The following LSAMP variants were observed in gnomAD, a reference collection of about 807,000 sequenced individuals.
LSAMP encodes limbic system-associated membrane protein.
LSAMP carries 7 observed loss-of-function variants against 38.6 expected under a neutral mutation model. That is an observed-to-expected ratio of 0.18 (90% confidence interval 0.10 to 0.34). The LOEUF (loss-of-function observed/expected upper bound fraction) is 0.34. Among genes scored for constraint, LSAMP ranks in the 10% least tolerant of loss-of-function variants. The pLI is 1.00. For missense variants in LSAMP, 313 were observed against 420.0 expected, an observed-to-expected ratio of 0.75 and a Z score of 2.23; for synonymous variants, 154 against 166.8, an observed-to-expected ratio of 0.92 and a Z score of 0.59.
intron 1 of LSAMP, among the ~76,000 whole-genome samples, chr3:116,284,661 C>T (rs903691226): frequency 6.6e-6 from 1 of 152,152 alleles, no homozygotes; most frequent in Non-Finnish European, 1.5e-5. Flanking sequence ...ATAAACCCTG[C>T]ATTTAATTCC....
intron 3 of LSAMP, among the ~76,000 whole-genome samples, chr3:115,954,224 G>T (rs758914182): frequency 4.0e-5 from 6 of 151,866 alleles, no homozygotes; most frequent in Admixed American, 2.6e-4. Flanking sequence ...TTCATCTCTG[G>T]CATATGGGCT....
At chr3:115,826,804 C>A (rs1053222707) in intron 6 of LSAMP, among the ~76,000 whole-genome samples, 1 of 151,950 alleles carries the variant, frequency 6.6e-6, no homozygotes, top group Non-Finnish European at 1.5e-5. Flanking sequence ...GAAAAGAAAA[C>A]GTGACCTCTA....
chr3:116,428,669 C>T (rs1399481002), intron 1 of LSAMP, among the ~76,000 whole-genome samples: 2 of 152,110 alleles, frequency 1.3e-5, no homozygotes, highest in Non-Finnish European at 2.9e-5. Flanking sequence ...TCCCCAGGAA[C>T]CTATGGCTTG....
intron 1 of LSAMP, among the ~76,000 whole-genome samples, chr3:116,108,067 A>T (rs531756346): frequency 6.6e-6 from 1 of 152,080 alleles, no homozygotes; most frequent in East Asian, 1.9e-4. Context: ...GGATATTGGC[A>T]TTGAGCGGGG....
Position 116,095,347 on chromosome 3 carries a change from C to T in LSAMP, c.156-8791G>A, listed in dbSNP as rs370438232. Among the ~76,000 whole-genome samples the T allele has an allele frequency of 1.3e-4, 20 of 152,314 alleles. No individual in the cohort carries two copies. In the South Asian group the frequency reaches 1.9e-3, roughly 14 times the overall value. On this transcript the variant is annotated intron_variant, in intron 1 of 6. Coordinates refer to ENST00000490035, the MANE Select transcript of LSAMP (RefSeq NM_002338.5). ...CCATAGACATGCTTTTTGTCTCTTA[C>T]TATCACTAAAGAACACCTTGTCCAG...
chr3:116,324,346 C>T lies in LSAMP; in HGVS notation c.155+120531G>A, dbSNP rs189142381. On this transcript the variant is annotated intron_variant, in intron 1 of 6. Coordinates refer to ENST00000490035, the MANE Select transcript of LSAMP (RefSeq NM_002338.5). ...GAATGTAAAACACAATGTTATGATA[C>T]TATTTCTTACCTCCCTAAACATCTT... 2.9e-3 allele frequency among the ~76,000 whole-genome samples: 437 copies of T among 152,192 alleles called. 1 individual carries two copies. Among genetic ancestry groups the T allele is most frequent in the Non-Finnish European group, 5.1e-3 (347 of 68,010 alleles).
intron 1 of LSAMP, among the ~76,000 whole-genome samples, chr3:116,295,255 G>A (rs1183892007): frequency 6.6e-6 from 1 of 152,166 alleles, no homozygotes; most frequent in Non-Finnish European, 1.5e-5. Context: ...GTAAGGATGA[G>A]GGGAGCCTCT....
chr3:116,236,089 G>A (rs1461126), intron 1 of LSAMP, among the ~76,000 whole-genome samples: 108,814 of 151,386 alleles, frequency 0.72, 40,566 homozygotes, highest in South Asian at 0.84. Context: ...AATAATGAAT[G>A]ATGAGACACA....
intron 1 of LSAMP, among the ~76,000 whole-genome samples, chr3:116,178,482 T>G (rs1710406451): frequency 6.6e-6 from 1 of 152,154 alleles, no homozygotes; most frequent in African/African-American, 2.4e-5. Flanking sequence ...GAGATGAGAT[T>G]TAAAGCAAGT....
intron 1 of LSAMP, among the ~76,000 whole-genome samples, chr3:116,200,300 A>G (rs566940685): frequency 1.3e-5 from 2 of 152,312 alleles, no homozygotes; most frequent in South Asian, 4.1e-4. Context: ...CTGGCAAGCT[A>G]TAAGAGGTGG....
At chr3:115,917,370 T>A (rs1937274184) in intron 3 of LSAMP, among the ~76,000 whole-genome samples, 1 of 152,186 alleles carries the variant, frequency 6.6e-6, no homozygotes. Flanking sequence ...AATGTTTCAG[T>A]CCAGAGATCA....
At position 115,808,748 on chromosome 3, in the gene LSAMP, A is replaced by T. The variant is rs976945909; in HGVS notation, c.*1569T>A. The T allele has an allele frequency of 3.9e-5, 6 of 152,244 alleles. No homozygotes were observed. The highest frequency in any genetic ancestry group is 8.8e-5 in the Non-Finnish European group (6 of 68,080). 9.4% of individuals were successfully genotyped at this position (152,244 alleles called of 1,614,324 possible). A position where few individuals can be genotyped will look rare whatever the true frequency, so the allele number is the denominator to read the frequency against. On this transcript the variant is annotated 3_prime_UTR_variant, in exon 7 of 7. Transcript: ENST00000490035. ...ATGCAGGCAACCAAATAAAACATTA[A>T]CCTAGAACACTGGGAAAAACATCTG...
intron 1 of LSAMP, among the ~76,000 whole-genome samples, chr3:116,407,381 T>C (rs1032402315): frequency 1.3e-5 from 2 of 152,090 alleles, no homozygotes; most frequent in African/African-American, 4.8e-5. Context: ...AAATGACCTT[T>C]AGTTGATTCT....
intron 1 of LSAMP, among the ~76,000 whole-genome samples, chr3:116,412,140 T>G (rs948299974): frequency 6.6e-6 from 1 of 152,086 alleles, no homozygotes; most frequent in African/African-American, 2.4e-5. Flanking sequence ...TAATTCTGCT[T>G]CCCTGAAACT....
At chr3:116,269,026 G>A (rs935780883) in intron 1 of LSAMP, among the ~76,000 whole-genome samples, 4 of 151,864 alleles carry the variant, frequency 2.6e-5, no homozygotes, top group Non-Finnish European at 5.9e-5. Context: ...CCTTCTGTTG[G>A]GTGGTCCTGA....
At chr3:116,031,918 TC>T (rs1940934403) in intron 2 of LSAMP, among the ~76,000 whole-genome samples, 1 of 152,094 alleles carries the variant, frequency 6.6e-6, no homozygotes, top group South Asian at 2.1e-4. Flanking sequence ...TTTAATTGTT[TC>T]AAAAATTATA....
chr3:115,941,896 T>C (rs370121157), intron 3 of LSAMP, among the ~76,000 whole-genome samples: 32 of 150,328 alleles, frequency 2.1e-4, no homozygotes, highest in African/African-American at 7.3e-4. Flanking sequence ...GATAGATATG[T>C]TAATTAATTT....
rs557374952 is a variant in LSAMP at position 116,201,690 on chromosome 3, A to G, written c.156-115134T>C. Among the ~76,000 whole-genome samples, 65 of 152,304 alleles carry G rather than the reference A, an allele frequency of 4.3e-4. No homozygotes were observed. In the South Asian group the frequency reaches 0.012, roughly 29 times the overall value. On this transcript the variant is annotated intron_variant, in intron 1 of 6. Transcript: ENST00000490035. ...ACATAGAAACTGAATGCTGTGTTTCATAGCCACTCATAGAACCAGCTGAAG... is the reference window on the plus strand; with the variant it reads ...ACATAGAAACTGAATGCTGTGTTTCGTAGCCACTCATAGAACCAGCTGAAG...
intron 1 of LSAMP, among the ~76,000 whole-genome samples, chr3:116,382,746 T>A (rs1341010404): frequency 6.6e-6 from 1 of 152,138 alleles, no homozygotes; most frequent in Admixed American, 6.6e-5. Context: ...TTTTAAAAAA[T>A]CTTTTAAAGT....
Sources: allele counts gnomAD v4.1 joint callset (sites outside exome capture counted in the v4.1 genomes callset), GRCh38; gene constraint gnomAD v4.1.1; transcripts MANE v1.5; gene names NCBI Gene and HGNC (gene_info 2026-07-23, HGNC 2026-07-21).